ERG: variants seen among roughly 807,000 people sequenced by gnomAD.
ERG encodes ETS transcription factor ERG.
ERG carries 9 observed loss-of-function variants against 55.3 expected under a neutral mutation model. The observed-to-expected ratio is 0.16, with a 90% CI of 0.10 to 0.28. The LOEUF is 0.28. Ranked by LOEUF, ERG falls within the 10% of genes least tolerant of loss-of-function variation. The pLI is 1.00. For synonymous variants in ERG, 223 were observed against 237.3 expected (o/e 0.94, Z 0.55); for missense variants, 434 against 631.6 (o/e 0.69, Z 3.35).
At chr21:38,491,980 CCCAGAAGAG>C in intron 1 of ERG, among the ~76,000 whole-genome samples, 1 of 77,082 alleles carries the variant, frequency 1.3e-5, no homozygotes. Context: ...TGGGATTTTT[CCCAGAAGAG>C]TAGATAACAT....
At chr21:38,649,757 G>A (rs548885209) in intron 1 of ERG, among the ~76,000 whole-genome samples, 16 of 152,262 alleles carry the variant, frequency 1.1e-4, no homozygotes, top group African/African-American at 3.6e-4. Flanking sequence ...GTTCCTTATA[G>A]GACGAAACAA....
At chr21:38,451,637 A>T (rs1326651329) in intron 1 of ERG, among the ~76,000 whole-genome samples, 1 of 152,232 alleles carries the variant, frequency 6.6e-6, no homozygotes, top group Non-Finnish European at 1.5e-5. Flanking sequence ...TATGCAGTAG[A>T]TGCTTCTAAA....
intron 1 of ERG, among the ~76,000 whole-genome samples, chr21:38,609,732 A>G (rs2060215214): frequency 6.6e-6 from 1 of 152,260 alleles, no homozygotes; most frequent in Admixed American, 6.5e-5. Context: ...ATACAGGCAA[A>G]GAGAAAGCAG....
intron 3 of ERG, among the ~76,000 whole-genome samples, chr21:38,409,920 G>T (rs556467691): frequency 1.2e-4 from 19 of 152,212 alleles, no homozygotes; most frequent in Non-Finnish European, 2.4e-4. Flanking sequence ...AAAACTTGGT[G>T]ATGAAAATAA....
chr21:38,601,912 C>T (rs890259705), intron 1 of ERG, among the ~76,000 whole-genome samples: 2 of 152,062 alleles, frequency 1.3e-5, no homozygotes, highest in Non-Finnish European at 2.9e-5. Context: ...GATGGTGTCT[C>T]CCTCTGTTGC....
At chr21:38,592,571 C>CTCTGTGTG (rs1555871066) in intron 1 of ERG, among the ~76,000 whole-genome samples, 26 of 147,994 alleles carry the variant, frequency 1.8e-4, no homozygotes, top group African/African-American at 4.7e-4. Flanking sequence ...TCTCCCTTCA[C>CTCTGTGTG]TGTGTGTGTG....
chr21:38,532,336 T>C (rs993702411), intron 2 of ERG, among the ~76,000 whole-genome samples: 1 of 88,768 alleles, frequency 1.1e-5, no homozygotes, highest in African/African-American at 4.5e-5. Context: ...CAAGACACAA[T>C]AGTTAACAGC....
chr21:38,657,357 T>C (rs1331091760), intron 1 of ERG, among the ~76,000 whole-genome samples: 2 of 152,118 alleles, frequency 1.3e-5, no homozygotes, highest in East Asian at 1.9e-4. Flanking sequence ...ACCCTAAAAA[T>C]AGGAGAACTT....
chr21:38,374,889 C>T, the ERG span, among the ~76,000 whole-genome samples: 1 of 152,088 alleles, frequency 6.6e-6, no homozygotes. Context: ...GTATGTTTTG[C>T]TCCTGAAGAT....
chr21:38,502,487 G>T, upstream of ERG: 1 of 160,668 alleles, frequency 6.2e-6, no homozygotes, highest in South Asian at 1.6e-4. Flanking sequence ...AATATTATGG[G>T]GACTCGATCC....
chr21:38,496,223 G>A (rs979056479), intron 1 of ERG, among the ~76,000 whole-genome samples: 12 of 152,128 alleles, frequency 7.9e-5, no homozygotes, highest in African/African-American at 2.2e-4. Flanking sequence ...CCACTCAAAT[G>A]CAGAAAACCA....
chr21:38,478,629 A>G (rs1358196110), intron 1 of ERG, among the ~76,000 whole-genome samples: 2 of 152,236 alleles, frequency 1.3e-5, no homozygotes, highest in Non-Finnish European at 2.9e-5. Context: ...CAGAGCCCTC[A>G]TGGTCAGTGA....
At chr21:38,640,140 G>A (rs1016985950) in intron 1 of ERG, among the ~76,000 whole-genome samples, 1 of 152,004 alleles carries the variant, frequency 6.6e-6, no homozygotes, top group African/African-American at 2.4e-5. Context: ...GAAAATCAAT[G>A]AAAAATCAAT....
At chr21:38,566,821 T>C (rs2059925889) in intron 2 of ERG, among the ~76,000 whole-genome samples, 1 of 152,236 alleles carries the variant, frequency 6.6e-6, no homozygotes, top group Admixed American at 6.5e-5. Flanking sequence ...CTTCAGGTGC[T>C]TGAACTGCAG....
At chr21:38,596,857 A>T (rs1239652707) in intron 1 of ERG, among the ~76,000 whole-genome samples, 2 of 152,194 alleles carry the variant, frequency 1.3e-5, no homozygotes, top group Admixed American at 6.5e-5. Context: ...TGTTTAAGGC[A>T]TGGGGTGGAC....
chr21:38,627,865 T>C (rs2060334206), intron 1 of ERG, among the ~76,000 whole-genome samples: 1 of 152,104 alleles, frequency 6.6e-6, no homozygotes, highest in African/African-American at 2.4e-5. Flanking sequence ...TAACCATGCA[T>C]AGAAGAGTCT....
chr21:38,605,286 T>C (rs1471005397), intron 1 of ERG, among the ~76,000 whole-genome samples: 2 of 152,162 alleles, frequency 1.3e-5, no homozygotes, highest in Non-Finnish European at 2.9e-5. Context: ...TTTTAAAAAA[T>C]GGTTTCCCTC....
chr21:38,651,482 T>A (rs1339807229), intron 1 of ERG, among the ~76,000 whole-genome samples: 1 of 152,212 alleles, frequency 6.6e-6, no homozygotes, highest in African/African-American at 2.4e-5. Flanking sequence ...CACTACACAA[T>A]GGATTTTGAA....
rs368268161 is a variant in ERG at position 38,519,687 on chromosome 21, T to C, written c.-41+55975A>G. Among the ~76,000 whole-genome samples, 85 of 152,290 alleles carry C rather than the reference T, an allele frequency of 5.6e-4. 1 individual carries two copies. The highest frequency in any genetic ancestry group is 1.1e-3 in the Non-Finnish European group (72 of 68,016). On this transcript the variant is annotated intron_variant, in intron 2 of 8. Transcript: ENST00000398897. ...GAAGTAAACAAAGAAAGTCGGCACATCTACTGTCATCAAAGACTGTGTAAT... is the reference window on the plus strand; with the variant it reads ...GAAGTAAACAAAGAAAGTCGGCACACCTACTGTCATCAAAGACTGTGTAAT...
Sources: gnomAD v4.1 joint callset for allele counts (sites outside exome capture counted in the v4.1 genomes callset) on GRCh38, gnomAD v4.1.1 for gene constraint, MANE v1.5 for transcripts, NCBI Gene and HGNC (gene_info 2026-07-23, HGNC 2026-07-21) for gene names.